The following WDR47 variants were observed in gnomAD, a reference collection of about 807,000 sequenced individuals.
WDR47 encodes the protein WD repeat-containing protein 47.
In WDR47, 32 loss-of-function variants were observed where a neutral mutation model predicts 97.2. The observed-to-expected ratio is 0.33, with a 90% CI of 0.25 to 0.44. WDR47 has a LOEUF of 0.44. WDR47 is among the 20% of genes least tolerant of loss of function. WDR47 has a pLI of 1.00. For synonymous variants in WDR47, 375 were observed against 373.5 expected, an observed-to-expected ratio of 1.00 and a Z score of -0.05; for missense variants, 782 against 1,102.3, an observed-to-expected ratio of 0.71 and a Z score of 4.11.
At chr1:108,995,225 C>G (rs1659657826) in intron 8 of WDR47, among the ~76,000 whole-genome samples, 1 of 152,012 alleles carries the variant, frequency 6.6e-6, no homozygotes, top group South Asian at 2.1e-4. Flanking sequence ...CTTTCTATGC[C>G]CTGAAAGTCT....
In WDR47 at chr1:108,971,349, G is replaced by T; in HGVS notation, c.*81C>A. On this transcript the variant is annotated 3_prime_UTR_variant, in exon 15 of 15. Coordinates refer to ENST00000369962, the MANE Select transcript of WDR47 (RefSeq NM_001142551.2). Reference sequence around the variant, plus strand: ...GCTAAACCACTTTCCTGGACACTATGTTCTTCAGATTTGTAATTTTCACAA... The same window carrying T: ...GCTAAACCACTTTCCTGGACACTATTTTCTTCAGATTTGTAATTTTCACAA... 1.3e-6 allele frequency: 2 copies of T among 1,575,546 alleles called. No individual in the cohort carries two copies. The highest frequency in any genetic ancestry group is 2.3e-5 in the South Asian group (2 of 86,738).
At chr1:109,004,046 C>T (rs1401808332) in intron 6 of WDR47, among the ~76,000 whole-genome samples, 1 of 151,960 alleles carries the variant, frequency 6.6e-6, no homozygotes, top group African/African-American at 2.4e-5. Context: ...GGGCGGATCA[C>T]GAGGTCAGGA....
chr1:109,026,880 A>G (rs889962649), intron 1 of WDR47, among the ~76,000 whole-genome samples: 5 of 152,180 alleles, frequency 3.3e-5, no homozygotes, highest in Non-Finnish European at 7.3e-5. Flanking sequence ...GCCTAAGAGA[A>G]CTACATTCTT....
chr1:108,972,352 C>T (rs766490545), intron 14 of WDR47, among the ~76,000 whole-genome samples: 1 of 152,082 alleles, frequency 6.6e-6, no homozygotes, highest in Non-Finnish European at 1.5e-5. Context: ...TCCTCACTGA[C>T]ATTTATATTT....
At chr1:109,036,731 G>C (rs1662979363) in intron 1 of WDR47, among the ~76,000 whole-genome samples, 1 of 151,600 alleles carries the variant, frequency 6.6e-6, no homozygotes, top group South Asian at 2.1e-4. Context: ...AGCTACTCAG[G>C]AGGCCGAGGC....
At chr1:109,018,273 A>T (rs1417211370) in intron 2 of WDR47, among the ~76,000 whole-genome samples, 1 of 150,678 alleles carries the variant, frequency 6.6e-6, no homozygotes, top group African/African-American at 2.4e-5. Flanking sequence ...ACATGGCGAA[A>T]CCCCGTCTCT....
Position 109,014,257 on chromosome 1 carries a change from T to C in WDR47, c.243-332A>G, listed in dbSNP as rs1001588696. On this transcript the variant is annotated intron_variant, in intron 3 of 14. Coordinates refer to ENST00000369962, the MANE Select transcript of WDR47 (RefSeq NM_001142551.2). Reference sequence around the variant, plus strand: ...TTAAAAAAATTTTAACAAATAATAGTATATATTTATGGGGTATGTTACATT... The same window carrying C: ...TTAAAAAAATTTTAACAAATAATAGCATATATTTATGGGGTATGTTACATT... Among the ~76,000 whole-genome samples the C allele has an allele frequency of 4.6e-5, 7 of 152,118 alleles. No homozygotes were observed. The South Asian group carries it at 6.2e-4, about 14-fold the overall frequency.
chr1:108,984,987 T>TTTA (rs1658665223), intron 10 of WDR47, among the ~76,000 whole-genome samples: 1 of 152,198 alleles, frequency 6.6e-6, no homozygotes, highest in African/African-American at 2.4e-5. Flanking sequence ...GATTCCTTCC[T>TTTA]TAAATGGATT....
intron 8 of WDR47, among the ~76,000 whole-genome samples, chr1:108,994,349 A>T (rs1398473350): frequency 3.3e-5 from 5 of 152,200 alleles, no homozygotes; most frequent in Non-Finnish European, 7.3e-5. Flanking sequence ...GTGAGCTGAG[A>T]TTACACCACT....
rs570581910 is a variant in WDR47, at chr1:108,982,453, C to T, written c.2266+156G>A. Reference sequence around the variant, plus strand: ...GAGGCTGGGTGGGAGGATCACTTGACCTCAGGAGGTTGAGGCCGCAGTGAG... The same window carrying T: ...GAGGCTGGGTGGGAGGATCACTTGATCTCAGGAGGTTGAGGCCGCAGTGAG... On this transcript the variant is annotated intron_variant, in intron 12 of 14. Transcript: ENST00000369962. 3.3e-5 allele frequency among the ~76,000 whole-genome samples: 5 copies of T among 152,136 alleles called. No homozygotes were observed. The South Asian group carries it at 1.0e-3, about 32-fold the overall frequency.
intron 7 of WDR47, among the ~76,000 whole-genome samples, chr1:108,997,997 T>TGA (rs1659891464): frequency 6.6e-6 from 1 of 152,136 alleles, no homozygotes; most frequent in Admixed American, 6.6e-5. Flanking sequence ...TAAAAATACT[T>TGA]CCAAAAAAGC....
chr1:109,035,725 A>G (rs1662899949), intron 1 of WDR47, among the ~76,000 whole-genome samples: 1 of 151,498 alleles, frequency 6.6e-6, no homozygotes, highest in Non-Finnish European at 1.5e-5. Flanking sequence ...CGAACTCCCG[A>G]CCTCAGGTGA....
Position 109,002,389 on chromosome 1 carries a change from G to C in WDR47, c.1268C>G (p.Thr423Arg). The change falls in exon 7 of 15, where the codon ACA (threonine) becomes AGA (arginine). Residue 423 changes from threonine to arginine, a missense_variant. By Grantham distance (71) the Thr-to-Arg change is moderately conservative (BLOSUM62 -1). Transcript: ENST00000369962. ...KQEKNELRDS[T>R]EQFQEYYRQR... ...CCTATAATATTCTTGAAATTGTTCT[G>C]TTGAATCTCGAAGCTTAAAAACATT... The C allele has an allele frequency of 6.3e-7, 1 of 1,599,638 alleles. No individual in the cohort carries two copies. The highest frequency in any genetic ancestry group is 1.1e-5 in the South Asian group (1 of 87,626).
At chr1:108,991,218 A>G (rs770091041) in intron 9 of WDR47, 36 bp downstream of exon 9, 2 of 1,579,350 alleles carry the variant, frequency 1.3e-6, no homozygotes, top group Middle Eastern at 1.7e-4. Flanking sequence ...ACAGGTGCAT[A>G]TGAAAACAAT....
intron 1 of WDR47, among the ~76,000 whole-genome samples, chr1:109,040,039 A>G (rs1313176061): frequency 6.6e-6 from 1 of 151,022 alleles, no homozygotes. Context: ...CCGTCTCAAA[A>G]AAAAAAAAAA....
At position 108,999,705 on chromosome 1, in the gene WDR47, T is replaced by C. The variant is rs1044443657; in HGVS notation, c.1433+2519A>G. On this transcript the variant is annotated intron_variant, in intron 7 of 14. Coordinates refer to ENST00000369962, the MANE Select transcript of WDR47 (RefSeq NM_001142551.2). Reference sequence around the variant, plus strand: ...AAAAAAAAAAAAAGAATTTAAATTCTATTTATGATTGTCTATAAAGGAAAG... The same window carrying C: ...AAAAAAAAAAAAAGAATTTAAATTCCATTTATGATTGTCTATAAAGGAAAG... Among the ~76,000 whole-genome samples the C allele has an allele frequency of 3.3e-5, 5 of 151,930 alleles. No homozygotes were observed. In the South Asian group the frequency reaches 6.2e-4, roughly 19 times the overall value.
chr1:109,036,301 C>A (rs138311028), intron 1 of WDR47, among the ~76,000 whole-genome samples: 1 of 152,090 alleles, frequency 6.6e-6, no homozygotes, highest in Non-Finnish European at 1.5e-5. Flanking sequence ...AGGCCAGGCG[C>A]GGTGGCTCAC....
intron 13 of WDR47, among the ~76,000 whole-genome samples, chr1:108,975,535 C>T (rs766390933): frequency 3.4e-4 from 52 of 151,486 alleles, no homozygotes; most frequent in Non-Finnish European, 6.0e-4. Flanking sequence ...GCAGGAGAAT[C>T]GCTTCAACCT....
intron 14 of WDR47, 48 bp downstream of exon 14, chr1:108,974,488 C>G (rs780649917): frequency 6.6e-7 from 1 of 1,513,874 alleles, no homozygotes; most frequent in South Asian, 1.2e-5. Flanking sequence ...AATAAAGGTC[C>G]CAAATAGAAC....
Sources: allele counts gnomAD v4.1 joint callset (sites outside exome capture counted in the v4.1 genomes callset), GRCh38; gene constraint gnomAD v4.1.1; transcripts MANE v1.5; gene names NCBI Gene and HGNC (gene_info 2026-07-23, HGNC 2026-07-21).